The following CABLES1 variants were observed in gnomAD, a reference collection of about 807,000 sequenced individuals.
CABLES1 encodes the protein Cdk5 and Abl enzyme substrate 1, also known as CDK5 and ABL1 enzyme substrate 1.
In CABLES1, 36 loss-of-function variants were observed where a neutral mutation model predicts 57.8. That is an observed-to-expected ratio of 0.62 (90% confidence interval 0.48 to 0.82). The LOEUF is 0.82. CABLES1 is among the 40% of genes least tolerant of loss of function. The probability of loss-of-function intolerance (pLI) is 0.00; values close to 1 mark genes in which losing one functional copy is unlikely to be tolerated. For synonymous variants in CABLES1, 374 were observed against 363.0 expected, an observed-to-expected ratio of 1.03 and a Z score of -0.35; for missense variants, 767 against 836.6, an observed-to-expected ratio of 0.92 and a Z score of 1.03.
In CABLES1 at chr18:23,184,952, C is replaced by T. The variant is rs1598817167; in HGVS notation, c.846-3886C>T. 4.6e-5 allele frequency among the ~76,000 whole-genome samples: 7 copies of T among 152,230 alleles called. 1 individual carries two copies. The South Asian group carries it at 1.5e-3, about 32-fold the overall frequency. On this transcript the variant is annotated intron_variant, in intron 1 of 9. Transcript: ENST00000256925. ...AGATCACTTCCCACAGACCCCACCA[C>T]CTCATACTATCACAGTGGGGGTTAT...
chr18:23,243,169 T>G (rs1043305787), intron 7 of CABLES1, among the ~76,000 whole-genome samples: 11 of 152,064 alleles, frequency 7.2e-5, no homozygotes, highest in Non-Finnish European at 1.0e-4. Context: ...GTGGATTTGT[T>G]GGGAAGCTAA....
intron 7 of CABLES1, among the ~76,000 whole-genome samples, chr18:23,242,291 C>A (rs1320672316): frequency 6.6e-6 from 1 of 152,052 alleles, no homozygotes; most frequent in Non-Finnish European, 1.5e-5. Context: ...AAAAAAAATT[C>A]CTGGGGCAGG....
chr18:23,235,656 TAGG>T (rs1474657700), intron 5 of CABLES1, among the ~76,000 whole-genome samples: 1 of 152,212 alleles, frequency 6.6e-6, no homozygotes, highest in African/African-American at 2.4e-5. Context: ...TTCCATGTAA[TAGG>T]AATAGTCAGA....
intron 2 of CABLES1, among the ~76,000 whole-genome samples, chr18:23,189,631 G>C (rs1327416866): frequency 6.6e-6 from 1 of 152,216 alleles, no homozygotes. Flanking sequence ...GGGACTGCAG[G>C]GCAGGCGGCA....
At chr18:23,191,619 C>A (rs2047243412) in intron 2 of CABLES1, among the ~76,000 whole-genome samples, 1 of 152,108 alleles carries the variant, frequency 6.6e-6, no homozygotes, top group Non-Finnish European at 1.5e-5. Context: ...TCTATTAAAC[C>A]TTTTGCATAA....
chr18:23,195,707 T>C (rs2047277485), intron 3 of CABLES1, among the ~76,000 whole-genome samples: 1 of 152,250 alleles, frequency 6.6e-6, no homozygotes, highest in Non-Finnish European at 1.5e-5. Flanking sequence ...TACAATGCTT[T>C]TAGTTTAAAT....
At chr18:23,248,660 T>G (rs1235124869) in intron 7 of CABLES1, among the ~76,000 whole-genome samples, 4 of 151,740 alleles carry the variant, frequency 2.6e-5, no homozygotes, top group Non-Finnish European at 5.9e-5. Context: ...AAACCCCATC[T>G]CTACTAAAAA....
At chr18:23,250,542 C>A (rs1464503265) in intron 7 of CABLES1, among the ~76,000 whole-genome samples, 2 of 152,190 alleles carry the variant, frequency 1.3e-5, no homozygotes, top group African/African-American at 4.8e-5. Flanking sequence ...TGAAATAGAG[C>A]CTTTCTTAAA....
intron 1 of CABLES1, among the ~76,000 whole-genome samples, chr18:23,171,330 C>T (rs966433281): frequency 1.3e-5 from 2 of 152,166 alleles, no homozygotes; most frequent in Non-Finnish European, 2.9e-5. Flanking sequence ...CTGGATTCCA[C>T]GGTGCCTTGT....
Position 23,224,561 on chromosome 18 carries a change from C to CTTTT in CABLES1, c.1089-10026_1089-10023dup, listed in dbSNP as rs777471596. On this transcript the variant is annotated intron_variant, in intron 4 of 9. Transcript: ENST00000256925. ...CTTCCATTTTTGTCCAGTCACAGAG[C>CTTTT]TTTTTTTTTTTTTTTTTTTTTTTTG... Among the ~76,000 whole-genome samples the CTTTT allele has an allele frequency of 1.5e-3, 132 of 89,630 alleles. 1 individual carries two copies. Among genetic ancestry groups the CTTTT allele is most frequent in the Non-Finnish European group, 1.9e-3 (91 of 47,710 alleles). 58.8% of individuals were successfully genotyped at this position (89,630 alleles called of 152,430 possible).
chr18:23,213,790 G>A (rs141741435), intron 3 of CABLES1, among the ~76,000 whole-genome samples, 187 bp from the exon 4 acceptor site: 166 of 152,326 alleles, frequency 1.1e-3, no homozygotes, highest in African/African-American at 3.8e-3. Flanking sequence ...AGGAGAGGCA[G>A]CCCACTTCTG....
chr18:23,189,134 AT>A, intron 2 of CABLES1: 1 of 484,984 alleles, frequency 2.1e-6, no homozygotes, highest in Non-Finnish European at 3.7e-6. Context: ...TTGCATGGAG[AT>A]TTGGGTGCTT....
intron 1 of CABLES1, among the ~76,000 whole-genome samples, chr18:23,142,034 C>G (rs1391852373): frequency 2.6e-5 from 4 of 152,094 alleles, no homozygotes; most frequent in African/African-American, 9.7e-5. Flanking sequence ...CCTTATGGAA[C>G]TCAGCGGTTG....
intron 3 of CABLES1, among the ~76,000 whole-genome samples, chr18:23,205,721 C>T (rs1452712674): frequency 6.6e-6 from 1 of 152,086 alleles, no homozygotes; most frequent in Non-Finnish European, 1.5e-5. Flanking sequence ...AGCCAGGTGT[C>T]GTGGCTCACA....
intron 1 of CABLES1, among the ~76,000 whole-genome samples, chr18:23,164,245 A>C (rs1234507982): frequency 1.3e-5 from 2 of 152,206 alleles, no homozygotes; most frequent in Non-Finnish European, 2.9e-5. Flanking sequence ...GCAAGTTAGG[A>C]TTCACCTAGC....
chr18:23,181,477 CAA>C (rs1174157883), intron 1 of CABLES1, among the ~76,000 whole-genome samples: 2 of 74,738 alleles, frequency 2.7e-5, no homozygotes, highest in Non-Finnish European at 4.9e-5. Context: ...GCCTGGGCAA[CAA>C]GAGCAAAGCT....
intron 4 of CABLES1, among the ~76,000 whole-genome samples, chr18:23,234,085 G>T (rs867786750): frequency 6.6e-6 from 1 of 152,170 alleles, no homozygotes; most frequent in Non-Finnish European, 1.5e-5. Context: ...GGCCGTGGTG[G>T]TGCGCGCCTG....
intron 4 of CABLES1, among the ~76,000 whole-genome samples, chr18:23,224,790 C>T (rs146959342): frequency 1.3e-5 from 2 of 151,966 alleles, no homozygotes; most frequent in African/African-American, 4.8e-5. Flanking sequence ...AGGATGGTCT[C>T]GATCTCCTGA....
intron 4 of CABLES1, chr18:23,214,255 G>A: frequency 3.9e-6 from 2 of 513,310 alleles, no homozygotes; most frequent in Non-Finnish European, 6.9e-6. Context: ...GTGCGTGTGT[G>A]TCCCATCCTA....
Sources: allele counts gnomAD v4.1 joint callset (sites outside exome capture counted in the v4.1 genomes callset), GRCh38; gene constraint gnomAD v4.1.1; transcripts MANE v1.5; gene names NCBI Gene and HGNC (gene_info 2026-07-23, HGNC 2026-07-21).